ZNF410: variants seen among roughly 807,000 people sequenced by gnomAD.
ZNF410 encodes zinc finger protein 410, also known as another partner for ARF 1.
ZNF410 carries 18 observed loss-of-function variants against 54.8 expected under a neutral mutation model. The observed-to-expected ratio is 0.33, with a 90% CI of 0.23 to 0.49. The LOEUF (loss-of-function observed/expected upper bound fraction) is 0.49, where lower values mean the gene tolerates loss of function less well. Ranked by LOEUF, ZNF410 falls within the 20% of genes least tolerant of loss-of-function variation. The pLI is 0.99. For synonymous variants in ZNF410, 191 were observed against 207.3 expected, an observed-to-expected ratio of 0.92 and a Z score of 0.68; for missense variants, 405 against 569.6, an observed-to-expected ratio of 0.71 and a Z score of 2.94.
At chr14:73,911,846 GT>G (rs1290135559) in intron 8 of ZNF410, among the ~76,000 whole-genome samples, 2 of 152,012 alleles carry the variant, frequency 1.3e-5, no homozygotes, top group Non-Finnish European at 1.5e-5. Flanking sequence ...AGTTGTTGTT[GT>G]TGTTGTTGTT....
At chr14:73,910,667 T>G (rs2140311796) in intron 8 of ZNF410, among the ~76,000 whole-genome samples, 1 of 150,046 alleles carries the variant, frequency 6.7e-6, no homozygotes. Flanking sequence ...GCAGGAGAAC[T>G]GCTTGAACCT....
At chr14:73,912,560 C>T (rs1317086232) in intron 8 of ZNF410, among the ~76,000 whole-genome samples, 1 of 152,190 alleles carries the variant, frequency 6.6e-6, no homozygotes, top group African/African-American at 2.4e-5. Flanking sequence ...TTCCTTTACT[C>T]CTTTCACATT....
chr14:73,917,440 T>A (rs548091113), intron 8 of ZNF410, among the ~76,000 whole-genome samples: 5 of 152,326 alleles, frequency 3.3e-5, no homozygotes, highest in African/African-American at 1.2e-4. Context: ...TTTGGTTTAC[T>A]TTTCCAGTGG....
In ZNF410 at chr14:73,932,117, T is replaced by C; in HGVS notation, c.*576T>C. 3 of 437,904 alleles carry C rather than the reference T, an allele frequency of 6.9e-6. No individual in the cohort carries two copies. Among genetic ancestry groups the C allele is most frequent in the Admixed American group, 2.4e-5 (1 of 41,002 alleles). The allele number at this position is 437,904 out of a possible 1,614,324, so 27.1% of individuals were successfully genotyped here. On this transcript the variant is annotated 3_prime_UTR_variant, in exon 12 of 12. Coordinates refer to ENST00000555044, the MANE Select transcript of ZNF410 (RefSeq NM_021188.3). ...CTCCCCTTGGCCCAGGCTGAGGTACTATCTTGTCCTATACACTTCTACTTG... is the reference window on the plus strand; with the variant it reads ...CTCCCCTTGGCCCAGGCTGAGGTACCATCTTGTCCTATACACTTCTACTTG...
intron 8 of ZNF410, among the ~76,000 whole-genome samples, chr14:73,912,757 GAAAT>G (rs1379135697): frequency 1.3e-5 from 2 of 152,148 alleles, no homozygotes; most frequent in African/African-American, 2.4e-5. Context: ...TATTTCAAAT[GAAAT>G]GTTTTCTTGA....
rs1336462345 is a variant in ZNF410, at chr14:73,921,208, G to T, written c.1129+103G>T. The stretch of plus-strand genomic sequence containing the variant: ...CTGGAAATTTTCTGATTCTGTTTTG[G>T]GTAGATAGACCTGGTCTCATTTGAT... On this transcript the variant is annotated intron_variant, in intron 9 of 11. Transcript: ENST00000555044. 5.3e-6 allele frequency: 8 copies of T among 1,500,852 alleles called. No homozygotes were observed. The East Asian group carries it at 1.8e-4, about 34-fold the overall frequency. The allele number at this position is 1,500,852 out of a possible 1,614,324, so 93.0% of individuals were successfully genotyped here. A position where few individuals can be genotyped will look rare whatever the true frequency, so the allele number is the denominator to read the frequency against.
chr14:73,892,416 A>G lies in ZNF410; in HGVS notation c.33+208A>G, dbSNP rs2055244727. On this transcript the variant is annotated intron_variant, in intron 2 of 11. Coordinates refer to ENST00000555044, the MANE Select transcript of ZNF410 (RefSeq NM_021188.3). Reference sequence around the variant, plus strand: ...ATTGTTTTTATATCTGTTTTTCAGTATATGTGAAATCATACATTTAGATAA... The same window carrying G: ...ATTGTTTTTATATCTGTTTTTCAGTGTATGTGAAATCATACATTTAGATAA... Among the ~76,000 whole-genome samples, 3 of 151,870 alleles carry G rather than the reference A, an allele frequency of 2.0e-5. No homozygotes were observed. In the South Asian group the frequency reaches 6.2e-4, roughly 31 times the overall value.
chr14:73,926,313 C>T (rs1195278903), intron 11 of ZNF410, among the ~76,000 whole-genome samples: 2 of 152,028 alleles, frequency 1.3e-5, no homozygotes, highest in South Asian at 4.1e-4. Context: ...TTGCTAGAGT[C>T]AGGATTCAAA....
rs746664764 is a variant in ZNF410, at chr14:73,892,201, A to G, written c.26A>G (p.Lys9Arg). The G allele has an allele frequency of 6.2e-7, 1 of 1,613,496 alleles. No individual in the cohort carries two copies. Among genetic ancestry groups the G allele is most frequent in the Non-Finnish European group, 8.5e-7 (1 of 1,179,820 alleles). MLSDELES[K>R]PELLVQFVQN... ...ATGTTATCAGATGAGTTAGAATCCAAACCAGAGGTGAGCCCAGTCAGCTTG... is the reference window on the plus strand; with the variant it reads ...ATGTTATCAGATGAGTTAGAATCCAGACCAGAGGTGAGCCCAGTCAGCTTG... The change falls in exon 2 of 12, where the codon AAA (lysine) becomes AGA (arginine). Residue 9 changes from lysine (K) to arginine (R), a missense_variant. By Grantham distance (26) the Lys-to-Arg change is conservative. This residue lies in a region of ZNF410 where 247 missense variants were observed against 342.8 expected (regional missense o/e 0.72). Coordinates refer to ENST00000555044, the MANE Select transcript of ZNF410 (RefSeq NM_021188.3).
intron 11 of ZNF410, among the ~76,000 whole-genome samples, chr14:73,928,455 G>A (rs2055866112): frequency 6.6e-6 from 1 of 152,138 alleles, no homozygotes; most frequent in South Asian, 2.1e-4. Context: ...ATTTTATCCT[G>A]GGGGCACTGA....
At chr14:73,902,485 A>G (rs1267994368) in intron 5 of ZNF410, among the ~76,000 whole-genome samples, 1 of 152,158 alleles carries the variant, frequency 6.6e-6, no homozygotes, top group African/African-American at 2.4e-5. Context: ...TGGAGCAATT[A>G]GTTTTATGAC....
chr14:73,897,777 G>A (rs952002926), intron 4 of ZNF410, among the ~76,000 whole-genome samples: 9 of 152,028 alleles, frequency 5.9e-5, no homozygotes, highest in Non-Finnish European at 1.2e-4. Context: ...TTCAAGACCA[G>A]CCTGACCAAC....
At chr14:73,899,876 A>G (rs2055378790) in intron 5 of ZNF410, among the ~76,000 whole-genome samples, 1 of 152,172 alleles carries the variant, frequency 6.6e-6, no homozygotes, top group African/African-American at 2.4e-5. Context: ...TATCTTAACA[A>G]CTACTTTGTA....
chr14:73,887,284 T>G (rs1358429421), intron 1 of ZNF410: 1 of 152,340 alleles, frequency 6.6e-6, no homozygotes, highest in Non-Finnish European at 1.5e-5. Context: ...TCTGAGGCCT[T>G]TGTGGTGTGG....
intron 3 of ZNF410, chr14:73,895,206 A>G (rs1227978523): frequency 6.6e-6 from 1 of 152,164 alleles, no homozygotes; most frequent in Non-Finnish European, 1.5e-5. Context: ...TAATTAAGGA[A>G]ATGAAAACAA....
intron 11 of ZNF410, among the ~76,000 whole-genome samples, chr14:73,930,547 G>C (rs542882447): frequency 6.6e-6 from 1 of 152,240 alleles, no homozygotes; most frequent in African/African-American, 2.4e-5. Flanking sequence ...GAATTTATTT[G>C]ATTAGATTTT....
chr14:73,895,343 T>G (rs773764658), intron 3 of ZNF410: 1 of 152,314 alleles, frequency 6.6e-6, no homozygotes, highest in African/African-American at 2.4e-5. Flanking sequence ...ACAGCCATTA[T>G]GGAAACCGTA....
At position 73,889,431 on chromosome 14, in the gene ZNF410, C is replaced by CAA. The variant is rs11330316; in HGVS notation, c.-150+2537_-150+2538dup. On this transcript the variant is annotated intron_variant, in intron 1 of 11. Transcript: ENST00000555044. ...TGCGTGACAGAGCGAGACTCAGTCT[C>CAA]AAAAAAAAAAAAAAAAAAAAAAGAA... 9.3e-3 allele frequency among the ~76,000 whole-genome samples: 790 copies of CAA among 84,778 alleles called. 4 individuals are homozygous for CAA. Among genetic ancestry groups the CAA allele is most frequent in the African/African-American group, 0.028 (686 of 24,876 alleles). The allele number at this position is 84,778 out of a possible 152,430, so 55.6% of individuals were successfully genotyped here.
At chr14:73,907,121 C>T (rs1434646747) in intron 7 of ZNF410, among the ~76,000 whole-genome samples, 2 of 152,086 alleles carry the variant, frequency 1.3e-5, no homozygotes, top group Non-Finnish European at 2.9e-5. Context: ...GATAAAGGAA[C>T]AGAAGATTAG....
Sources: gnomAD v4.1 joint callset for allele counts (sites outside exome capture counted in the v4.1 genomes callset) on GRCh38, gnomAD v4.1.1 for gene constraint, gnomAD v4.1.1 regional missense constraint, MANE v1.5 for transcripts, NCBI Gene and HGNC (gene_info 2026-07-23, HGNC 2026-07-21) for gene names.